NKAIN2: variants seen among roughly 807,000 people sequenced by gnomAD.
NKAIN2 encodes the protein sodium/potassium transporting ATPase interacting 2.
In NKAIN2, 14 loss-of-function variants were observed where a neutral mutation model predicts 32.6. That is an observed-to-expected ratio of 0.43 (90% confidence interval 0.28 to 0.67). The LOEUF is 0.67. Among genes scored for constraint, NKAIN2 ranks in the 30% least tolerant of loss-of-function variants. NKAIN2 has a pLI of 0.17. For synonymous variants in NKAIN2, 80 were observed against 87.2 expected, an observed-to-expected ratio of 0.92 and a Z score of 0.46; for missense variants, 198 against 258.3, an observed-to-expected ratio of 0.77 and a Z score of 1.60.
intron 3 of NKAIN2, among the ~76,000 whole-genome samples, chr6:124,499,289 G>A (rs918389341): frequency 4.6e-5 from 7 of 151,918 alleles, no homozygotes; most frequent in Admixed American, 2.0e-4. Context: ...AGGCCCTACT[G>A]GAAAATGTTG....
intron 4 of NKAIN2, among the ~76,000 whole-genome samples, chr6:124,710,518 A>C (rs1012342492): frequency 1.2e-4 from 18 of 152,004 alleles, no homozygotes; most frequent in Non-Finnish European, 2.2e-4. Flanking sequence ...GTGCTCCTGT[A>C]TTGGGTGCGT....
intron 4 of NKAIN2, among the ~76,000 whole-genome samples, chr6:124,756,554 G>A (rs978585259): frequency 1.3e-5 from 2 of 152,078 alleles, no homozygotes; most frequent in East Asian, 3.9e-4. Flanking sequence ...CAGAACTTTG[G>A]GAGGCCTAGG....
intron 1 of NKAIN2, among the ~76,000 whole-genome samples, chr6:123,931,274 A>C (rs1776239915): frequency 6.6e-6 from 1 of 152,058 alleles, no homozygotes; most frequent in Non-Finnish European, 1.5e-5. Context: ...TCTTTGAGGA[A>C]GCGGTATCAG....
chr6:124,562,299 T>C (rs1368419326), intron 3 of NKAIN2, among the ~76,000 whole-genome samples: 1 of 152,166 alleles, frequency 6.6e-6, no homozygotes, highest in Non-Finnish European at 1.5e-5. Context: ...AATAAAAAAA[T>C]GAAGTGCAAA....
chr6:124,507,666 C>A (rs1187773695), intron 3 of NKAIN2, among the ~76,000 whole-genome samples: 1 of 152,036 alleles, frequency 6.6e-6, no homozygotes, highest in African/African-American at 2.4e-5. Flanking sequence ...TAAAAGAGGA[C>A]ACTTAATCCT....
At chr6:124,305,499 A>C (rs912828574) in intron 2 of NKAIN2, among the ~76,000 whole-genome samples, 1 of 152,210 alleles carries the variant, frequency 6.6e-6, no homozygotes, top group African/African-American at 2.4e-5. Context: ...AATTAATACA[A>C]GGATGCCTTC....
rs569307483 is a variant in NKAIN2, at chr6:124,134,457, G to A, written c.55-148548G>A. Among the ~76,000 whole-genome samples, 14 of 152,218 alleles carry A rather than the reference G, an allele frequency of 9.2e-5. No homozygotes were observed. The East Asian group carries it at 1.2e-3, about 13-fold the overall frequency. On this transcript the variant is annotated intron_variant, in intron 1 of 6. Coordinates refer to ENST00000368417, the MANE Select transcript of NKAIN2 (RefSeq NM_001040214.3). ...TTCCAGCACTTTGGGAGGCCAAGGC[G>A]GGTGGATCACATGCTCAGGAGTTCA... is the stretch of plus-strand genomic sequence containing the variant.
At chr6:124,536,110 C>T (rs545367000) in intron 3 of NKAIN2, among the ~76,000 whole-genome samples, 51 of 152,238 alleles carry the variant, frequency 3.4e-4, no homozygotes, top group African/African-American at 1.1e-3. Context: ...AACTAGAAAT[C>T]GCTCAAAAAA....
chr6:124,189,673 T>A (rs1413836803), intron 1 of NKAIN2, among the ~76,000 whole-genome samples: 1 of 152,014 alleles, frequency 6.6e-6, no homozygotes, highest in Non-Finnish European at 1.5e-5. Context: ...AGAGCAAGAC[T>A]CCATCTCAAA....
chr6:124,026,286 G>A (rs1457554172), intron 1 of NKAIN2, among the ~76,000 whole-genome samples: 1 of 152,172 alleles, frequency 6.6e-6, no homozygotes, highest in Non-Finnish European at 1.5e-5. Flanking sequence ...CTGGCAATGA[G>A]TAAGGAACAT....
intron 1 of NKAIN2, among the ~76,000 whole-genome samples, chr6:123,818,877 T>A (rs1043299720): frequency 6.6e-6 from 1 of 152,084 alleles, no homozygotes; most frequent in African/African-American, 2.4e-5. Context: ...AAACAAAACG[T>A]TATAAACTTA....
Position 123,964,071 on chromosome 6 carries a change from G to A in NKAIN2, c.54+159817G>A, listed in dbSNP as rs1007810161. Among the ~76,000 whole-genome samples, 4 of 151,970 alleles carry A rather than the reference G, an allele frequency of 2.6e-5. No homozygotes were observed. Among genetic ancestry groups the A allele is most frequent in the African/African-American group, 9.7e-5 (4 of 41,390 alleles). On this transcript the variant is annotated intron_variant, in intron 1 of 6. Coordinates refer to ENST00000368417, the MANE Select transcript of NKAIN2 (RefSeq NM_001040214.3). The surrounding 1 kb of genome is among the most constrained non-coding windows in gnomAD (Gnocchi z 4.0). Reference sequence around the variant, plus strand: ...ATTTGAAAAATGAATCCTTGTTCAGGAACACAACATCCAATTACAAAATTA... The same window carrying A: ...ATTTGAAAAATGAATCCTTGTTCAGAAACACAACATCCAATTACAAAATTA...
At chr6:124,180,320 A>G (rs1789379923) in intron 1 of NKAIN2, among the ~76,000 whole-genome samples, 1 of 152,142 alleles carries the variant, frequency 6.6e-6, no homozygotes, top group African/African-American at 2.4e-5. Flanking sequence ...AGGAGGAGCA[A>G]AGTCATGTCT....
chr6:123,881,147 G>T (rs1459743091), intron 1 of NKAIN2, among the ~76,000 whole-genome samples: 1 of 152,086 alleles, frequency 6.6e-6, no homozygotes, highest in Non-Finnish European at 1.5e-5. Context: ...TCAGCCTCCC[G>T]AGTAGCTAGG....
At chr6:124,239,432 CAG>C (rs1452172761) in intron 1 of NKAIN2, among the ~76,000 whole-genome samples, 3 of 152,130 alleles carry the variant, frequency 2.0e-5, no homozygotes, top group Non-Finnish European at 4.4e-5. Context: ...CCCAAATTAA[CAG>C]AATATACATT....
At chr6:124,469,922 TAA>T (rs1776908383) in intron 3 of NKAIN2, among the ~76,000 whole-genome samples, 1 of 152,166 alleles carries the variant, frequency 6.6e-6, no homozygotes, top group South Asian at 2.1e-4. Flanking sequence ...CCCCTGAGAA[TAA>T]GAGACTTCTT....
intron 1 of NKAIN2, among the ~76,000 whole-genome samples, chr6:124,235,350 T>A (rs918848025): frequency 2.0e-5 from 3 of 152,082 alleles, no homozygotes; most frequent in African/African-American, 7.2e-5. Context: ...ATAAAGAAGA[T>A]GGTATACATC....
intron 3 of NKAIN2, among the ~76,000 whole-genome samples, chr6:124,589,224 G>C (rs1225598840): frequency 1.3e-5 from 2 of 152,116 alleles, no homozygotes; most frequent in South Asian, 4.1e-4. Context: ...ACTTGTTAAA[G>C]GAGTACACTG....
At chr6:124,210,997 G>A (rs952526472) in intron 1 of NKAIN2, among the ~76,000 whole-genome samples, 7 of 150,378 alleles carry the variant, frequency 4.7e-5, no homozygotes, top group Non-Finnish European at 8.8e-5. Context: ...TGTTGAAAGT[G>A]GGCATTCTTG....
Sources: gnomAD v4.1 joint callset for allele counts (sites outside exome capture counted in the v4.1 genomes callset) on GRCh38, gnomAD v4.1.1 for gene constraint, Gnocchi (gnomAD v3.1) non-coding constraint, MANE v1.5 for transcripts, NCBI Gene and HGNC (gene_info 2026-07-23, HGNC 2026-07-21) for gene names.